Variants in ANKIB1 observed in about 807,000 individuals in gnomAD.
The protein encoded by ANKIB1 is ankyrin repeat and IBR domain-containing protein 1.
ANKIB1 carries 43 observed loss-of-function variants against 122.1 expected under a neutral mutation model. That is an observed-to-expected ratio of 0.35 (90% CI 0.28 to 0.45). ANKIB1 has a LOEUF of 0.45. Ranked by LOEUF, ANKIB1 falls within the 20% of genes least tolerant of loss-of-function variation. The pLI is 1.00. For synonymous variants in ANKIB1, 390 were observed against 442.0 expected, an observed-to-expected ratio of 0.88 and a Z score of 1.48; for missense variants, 992 against 1,329.5, an observed-to-expected ratio of 0.75 and a Z score of 3.95.
chr7:92,358,604 T>TC (rs398085980), intron 9 of ANKIB1, among the ~76,000 whole-genome samples: 1 of 151,554 alleles, frequency 6.6e-6, no homozygotes, highest in African/African-American at 2.4e-5. Flanking sequence ...CTTTTTTTTT[T>TC]TCCCAGAACA....
chr7:92,261,762 C>T (rs913250504), intron 1 of ANKIB1, among the ~76,000 whole-genome samples: 1 of 152,162 alleles, frequency 6.6e-6, no homozygotes, highest in African/African-American at 2.4e-5. Context: ...AAGCACCTTG[C>T]TCTCTTACTC....
intron 1 of ANKIB1, among the ~76,000 whole-genome samples, chr7:92,256,907 T>A (rs962892703): frequency 1.3e-5 from 2 of 152,228 alleles, no homozygotes; most frequent in South Asian, 4.1e-4. Flanking sequence ...CACAAGGGGC[T>A]GGCCAGGCTC....
At chr7:92,318,426 G>C (rs2131947650) in intron 3 of ANKIB1, among the ~76,000 whole-genome samples, 1 of 152,204 alleles carries the variant, frequency 6.6e-6, no homozygotes, top group East Asian at 1.9e-4. Flanking sequence ...TGAGGCAGGA[G>C]AATCACTTGA....
At chr7:92,250,143 C>G (rs934263551) in intron 1 of ANKIB1, among the ~76,000 whole-genome samples, 2 of 152,134 alleles carry the variant, frequency 1.3e-5, no homozygotes, top group African/African-American at 4.8e-5. Context: ...CCTGTAATCC[C>G]AGAACTTTGG....
At chr7:92,328,955 A>G (rs1203698117) in intron 5 of ANKIB1, among the ~76,000 whole-genome samples, 3 of 148,098 alleles carry the variant, frequency 2.0e-5, no homozygotes, top group African/African-American at 7.4e-5. Context: ...ATATATATAC[A>G]CACACACAAA....
chr7:92,351,572 G>T (rs1803663373), intron 8 of ANKIB1, among the ~76,000 whole-genome samples: 1 of 151,552 alleles, frequency 6.6e-6, no homozygotes, highest in African/African-American at 2.4e-5. Flanking sequence ...ATCTTTTTTT[G>T]TCTTCATTCT....
In ANKIB1 at chr7:92,246,409, G is replaced by T. The variant is rs750674779; in HGVS notation, c.-201G>T. 1.2e-5 allele frequency: 6 copies of T among 507,990 alleles called. No homozygotes were observed. Among genetic ancestry groups the T allele is most frequent in the Non-Finnish European group, 2.3e-5 (6 of 256,018 alleles). 31.5% of individuals were successfully genotyped at this position (507,990 alleles called of 1,614,324 possible). A position where few individuals can be genotyped will look rare whatever the true frequency, so the allele number is the denominator to read the frequency against. On this transcript the variant is annotated 5_prime_UTR_variant, in exon 1 of 20. Transcript: ENST00000265742. ...AGGGGCAACCGTCCGGGTGGGTGGG[G>T]CGGGCTGGGTACCTGAGGTCACCAG... is the stretch of plus-strand genomic sequence containing the variant.
chr7:92,390,506 A>G (rs929399874), intron 15 of ANKIB1, among the ~76,000 whole-genome samples: 1 of 152,212 alleles, frequency 6.6e-6, no homozygotes, highest in African/African-American at 2.4e-5. Context: ...TTTTTGAAAT[A>G]CAACTGAAAA....
intron 2 of ANKIB1, among the ~76,000 whole-genome samples, chr7:92,305,221 T>G (rs575742762): frequency 4.2e-4 from 64 of 152,292 alleles, no homozygotes; most frequent in Middle Eastern, 3.4e-3. Flanking sequence ...TATTAGTTGT[T>G]AGGAGCTATT....
intron 9 of ANKIB1, among the ~76,000 whole-genome samples, chr7:92,357,000 G>A (rs149125164): frequency 1.3e-4 from 20 of 152,292 alleles, no homozygotes; most frequent in African/African-American, 4.3e-4. Context: ...TTCTAAAATG[G>A]CATTGAACTG....
chr7:92,257,148 G>A (rs1416306045), intron 1 of ANKIB1, among the ~76,000 whole-genome samples: 2 of 149,992 alleles, frequency 1.3e-5, no homozygotes, highest in Admixed American at 6.7e-5. Context: ...CGAGTAGATC[G>A]CCCAACTGCA....
intron 1 of ANKIB1, among the ~76,000 whole-genome samples, chr7:92,284,539 A>G (rs1802077285): frequency 6.6e-6 from 1 of 152,224 alleles, no homozygotes; most frequent in Admixed American, 6.5e-5. Flanking sequence ...AGTGTTTGAC[A>G]TCTCAGTTCT....
intron 4 of ANKIB1, among the ~76,000 whole-genome samples, chr7:92,320,260 G>C (rs1033761391): frequency 6.6e-6 from 1 of 152,102 alleles, no homozygotes; most frequent in African/African-American, 2.4e-5. Context: ...TCTTATGAGA[G>C]AACCACTTCC....
In ANKIB1 at chr7:92,387,838, T is replaced by G; in HGVS notation, c.1793T>G (p.Phe598Cys). 2 of 1,612,022 alleles carry G rather than the reference T, an allele frequency of 1.2e-6. No individual in the cohort carries two copies. The highest frequency in any genetic ancestry group is 1.7e-6 in the Non-Finnish European group (2 of 1,179,324). The change falls in exon 13 of 20, where the codon TTT (phenylalanine) becomes TGT (cysteine). Residue 598 changes from phenylalanine (F) to cysteine (C), a missense_variant. Physicochemically the swap from Phe to Cys is radical, Grantham distance 205 (BLOSUM62 -2). Transcript: ENST00000265742. ...AAACGATTTCAGGAACTTGACAGAT[T>G]TATGCACTATTATACAAGATTTAAA... The part of the protein sequence containing the change: ...KHKRFQELDR[F>C]MHYYTRFKNH...
chr7:92,389,852 C>T, intron 14 of ANKIB1, 119 bp from the exon 15 acceptor site: 1 of 1,038,780 alleles, frequency 9.6e-7, no homozygotes. Flanking sequence ...TTACTTAAAA[C>T]AGTTTTTGTC....
chr7:92,250,134 C>G (rs1801295318), intron 1 of ANKIB1, among the ~76,000 whole-genome samples: 1 of 152,160 alleles, frequency 6.6e-6, no homozygotes, highest in Non-Finnish European at 1.5e-5. Flanking sequence ...TGGCTCACAC[C>G]TGTAATCCCA....
At chr7:92,331,103 C>G (rs1271218492) in intron 5 of ANKIB1, among the ~76,000 whole-genome samples, 2 of 152,016 alleles carry the variant, frequency 1.3e-5, no homozygotes, top group African/African-American at 4.8e-5. Flanking sequence ...CATAGTTGTA[C>G]TGGTTAGGGT....
intron 3 of ANKIB1, among the ~76,000 whole-genome samples, chr7:92,311,638 A>G (rs1435419277): frequency 6.6e-6 from 1 of 152,058 alleles, no homozygotes; most frequent in African/African-American, 2.4e-5. Context: ...CTTATAGCTC[A>G]TTATTTTGTA....
chr7:92,378,259 A>T (rs150488916), intron 11 of ANKIB1, among the ~76,000 whole-genome samples: 1 of 152,236 alleles, frequency 6.6e-6, no homozygotes, highest in African/African-American at 2.4e-5. Flanking sequence ...TATTTGCAGT[A>T]TACCAATTGA....
Sources: gnomAD v4.1 joint callset for allele counts (sites outside exome capture counted in the v4.1 genomes callset) on GRCh38, gnomAD v4.1.1 for gene constraint, MANE v1.5 for transcripts, NCBI Gene and HGNC (gene_info 2026-07-23, HGNC 2026-07-21) for gene names.